Variants in GRIP1 observed in about 807,000 individuals in gnomAD.
GRIP1 encodes glutamate receptor-interacting protein 1.
GRIP1 carries 45 observed loss-of-function variants against 129.9 expected under a neutral mutation model. The observed-to-expected ratio is 0.35, with a 90% confidence interval of 0.27 to 0.44. The LOEUF is 0.44. Among genes scored for constraint, GRIP1 ranks in the 20% least tolerant of loss-of-function variants. GRIP1 has a pLI of 1.00. For synonymous variants in GRIP1, 530 were observed against 520.8 expected, an observed-to-expected ratio of 1.02 and a Z score of -0.24; for missense variants, 1,196 against 1,396.8, an observed-to-expected ratio of 0.86 and a Z score of 2.29.
chr12:66,419,090 T>C (rs1402440428), intron 15 of GRIP1, among the ~76,000 whole-genome samples: 4 of 152,138 alleles, frequency 2.6e-5, no homozygotes, highest in African/African-American at 9.7e-5. Context: ...GGTACATATA[T>C]ACAATGGAGT....
At chr12:66,962,632 G>A (rs1384833072) in intron 1 of GRIP1, among the ~76,000 whole-genome samples, 4 of 152,102 alleles carry the variant, frequency 2.6e-5, no homozygotes, top group African/African-American at 4.8e-5. Context: ...ACACTTTAAT[G>A]AGCCAGTAAA....
intron 2 of GRIP1, among the ~76,000 whole-genome samples, chr12:66,585,001 G>A (rs1029677437): frequency 4.0e-5 from 6 of 151,754 alleles, no homozygotes; most frequent in African/African-American, 7.3e-5. Flanking sequence ...CCGCTGACCC[G>A]TTGGTGCACA....
chr12:66,654,701 C>G (rs1175591233), intron 1 of GRIP1, among the ~76,000 whole-genome samples: 1 of 151,992 alleles, frequency 6.6e-6, no homozygotes, highest in Non-Finnish European at 1.5e-5. Context: ...GTGGGGTCCT[C>G]AGATGTTTGG....
At chr12:66,543,052 A>C (rs2061834993) in intron 2 of GRIP1, among the ~76,000 whole-genome samples, 1 of 152,248 alleles carries the variant, frequency 6.6e-6, no homozygotes, top group Non-Finnish European at 1.5e-5. Flanking sequence ...AAAGGTTTTT[A>C]AATTGCTGCT....
Position 67,037,069 on chromosome 12 carries a change from C to T in GRIP1, c.58+31981G>A, listed in dbSNP as rs568342077. 2.1e-4 allele frequency among the ~76,000 whole-genome samples: 32 copies of T among 152,202 alleles called. No homozygotes were observed. The South Asian group carries it at 5.8e-3, about 28-fold the overall frequency. On this transcript the variant is annotated intron_variant, in intron 1 of 1. Coordinates refer to the GRIP1 transcript ENST00000643019. ...TACTCAGGCCAGGCGCAGTGGCTCA[C>T]GCCTGCAATCCCAGCACTTTGGAAG...
At chr12:66,681,607 C>T (rs1023245489), upstream of GRIP1, among the ~76,000 whole-genome samples, 1 of 152,158 alleles carries the variant, frequency 6.6e-6, no homozygotes, top group African/African-American at 2.4e-5. Context: ...GGTGGCTCAG[C>T]TGTCTAGACA....
At chr12:66,897,685 G>A (rs1366563319) in intron 1 of GRIP1, among the ~76,000 whole-genome samples, 1 of 152,166 alleles carries the variant, frequency 6.6e-6, no homozygotes, top group Non-Finnish European at 1.5e-5. Context: ...ATCCAATTAT[G>A]GCAAAACAGG....
intron 2 of GRIP1, among the ~76,000 whole-genome samples, chr12:66,564,828 G>C (rs575287347): frequency 6.6e-6 from 1 of 152,318 alleles, no homozygotes; most frequent in South Asian, 2.1e-4. Context: ...TCTAACTGGT[G>C]TGAGATGGTA....
At chr12:66,586,328 C>T (rs2063634619) in intron 2 of GRIP1, among the ~76,000 whole-genome samples, 1 of 152,162 alleles carries the variant, frequency 6.6e-6, no homozygotes, top group African/African-American at 2.4e-5. Context: ...TGACATGTGG[C>T]TCATAACTTG....
At chr12:66,561,534 G>A (rs1266077429) in intron 2 of GRIP1, among the ~76,000 whole-genome samples, 1 of 151,878 alleles carries the variant, frequency 6.6e-6, no homozygotes. Context: ...ATAACAATAT[G>A]GTTAGTTATG....
At chr12:66,732,558 A>C (rs1751849203) in intron 1 of GRIP1, among the ~76,000 whole-genome samples, 1 of 151,714 alleles carries the variant, frequency 6.6e-6, no homozygotes, top group Non-Finnish European at 1.5e-5. Context: ...AAACAAACAA[A>C]CAAAAAAAAA....
chr12:66,723,239 T>TCTTCCTTC (rs1187415539), intron 1 of GRIP1, among the ~76,000 whole-genome samples: 3,418 of 23,232 alleles, frequency 0.15, 166 homozygotes, highest in Admixed American at 0.17. Flanking sequence ...TCTCTCTCTC[T>TCTTCCTTC]CTTCCTTCCT....
intron 1 of GRIP1, among the ~76,000 whole-genome samples, chr12:66,599,402 G>A (rs1030806687): frequency 1.3e-5 from 2 of 152,192 alleles, no homozygotes; most frequent in African/African-American, 4.8e-5. Context: ...GGAGGGCATA[G>A]CAGCAGAGCA....
Position 66,651,944 on chromosome 12 carries a change from G to A in GRIP1, c.55+26906C>T, listed in dbSNP as rs11831247. 8.6e-3 allele frequency among the ~76,000 whole-genome samples: 1,315 copies of A among 152,208 alleles called. 17 individuals carry two copies. Among genetic ancestry groups the A allele is most frequent in the African/African-American group, 0.03 (1,250 of 41,518 alleles). On this transcript the variant is annotated intron_variant, in intron 1 of 24. Coordinates refer to ENST00000359742, the MANE Select transcript of GRIP1 (RefSeq NM_001366722.1). ...TATTTTGAGAGTTTTCTCAGTGGAG[G>A]TTGTGGCATCTGGAAATACTTGTGA...
intron 1 of GRIP1, among the ~76,000 whole-genome samples, chr12:66,616,701 C>A (rs1177055523): frequency 2.0e-5 from 3 of 152,106 alleles, no homozygotes; most frequent in African/African-American, 2.4e-5. Flanking sequence ...GAGGGAGGGA[C>A]AGAACCTTCT....
At chr12:66,969,669 G>A (rs1475589882) in intron 1 of GRIP1, among the ~76,000 whole-genome samples, 2 of 151,748 alleles carry the variant, frequency 1.3e-5, no homozygotes, top group African/African-American at 2.4e-5. Context: ...CTCCTGCCTC[G>A]GCCTCCCAAA....
At chr12:66,765,083 C>T (rs2037591318) in intron 1 of GRIP1, among the ~76,000 whole-genome samples, 2 of 152,146 alleles carry the variant, frequency 1.3e-5, no homozygotes, top group Admixed American at 6.5e-5. Context: ...GAGTGCAGAA[C>T]TGAAAGGAGG....
Position 66,629,904 on chromosome 12 carries a change from CTTG to C in GRIP1, c.56-32980_56-32978del, listed in dbSNP as rs369696563. ...AAAGACCCACAAGCCAGTTTTGGTT[CTTG>C]TTGTTTTTCCTGAAAGTCTTTGAAT... On this transcript the variant is annotated intron_variant, in intron 1 of 24. Transcript: ENST00000359742. Among the ~76,000 whole-genome samples the C allele has an allele frequency of 2.8e-3, 420 of 152,220 alleles. 4 individuals carry two copies. The highest frequency in any genetic ancestry group is 9.6e-3 in the African/African-American group (397 of 41,534).
At chr12:66,398,342 C>T (rs2056869754) in intron 16 of GRIP1, among the ~76,000 whole-genome samples, 1 of 151,894 alleles carries the variant, frequency 6.6e-6, no homozygotes, top group African/African-American at 2.4e-5. Flanking sequence ...GAGCTGGCCC[C>T]CAGAGGGTCA....
Sources: gnomAD v4.1 joint callset for allele counts (sites outside exome capture counted in the v4.1 genomes callset) on GRCh38, gnomAD v4.1.1 for gene constraint, MANE v1.5 for transcripts, NCBI Gene and HGNC (gene_info 2026-07-23, HGNC 2026-07-21) for gene names.